SNX29: variants seen among roughly 807,000 people sequenced by gnomAD.
SNX29 encodes the protein sorting nexin 29.
Under a neutral mutation model 102.1 loss-of-function variants are expected in SNX29, and 78 were observed. The ratio of observed to expected loss-of-function variants is 0.76; its 90% CI spans 0.64 to 0.92. SNX29 has a LOEUF of 0.92. Among genes scored for constraint, SNX29 ranks in the 40% least tolerant of loss-of-function variants. SNX29 has a pLI of 0.00. For synonymous variants in SNX29, 580 were observed against 414.5 expected (o/e 1.40, Z -4.85); for missense variants, 1,280 against 1,061.7 (o/e 1.21, Z -2.86).
intron 20 of SNX29, among the ~76,000 whole-genome samples, chr16:12,554,702 C>T (rs1050814857): frequency 1.3e-5 from 2 of 152,168 alleles, no homozygotes; most frequent in South Asian, 2.1e-4. Flanking sequence ...CCTGCCCATG[C>T]CTGGTGACAG....
intron 15 of SNX29, among the ~76,000 whole-genome samples, chr16:12,327,250 C>G (rs1199613123): frequency 6.6e-6 from 1 of 152,052 alleles, no homozygotes; most frequent in Non-Finnish European, 1.5e-5. Context: ...GTGATGGGGT[C>G]TTTTTAAGCT....
chr16:12,427,105 C>T (rs1481299176), intron 18 of SNX29, among the ~76,000 whole-genome samples: 6 of 151,924 alleles, frequency 3.9e-5, no homozygotes, highest in Non-Finnish European at 7.4e-5. Flanking sequence ...TATATATTAG[C>T]ATAGGAAAAG....
At chr16:12,026,777 G>A (rs1343836248) in intron 3 of SNX29, among the ~76,000 whole-genome samples, 2 of 152,128 alleles carry the variant, frequency 1.3e-5, no homozygotes, top group African/African-American at 2.4e-5. Context: ...TTTAGAGCAT[G>A]TAATCTCTTA....
intron 20 of SNX29, among the ~76,000 whole-genome samples, chr16:12,557,126 C>T (rs9933943): frequency 1.3e-5 from 2 of 151,730 alleles, no homozygotes; most frequent in African/African-American, 4.8e-5. Flanking sequence ...TGAGATTAGA[C>T]ACAGGAGTCA....
intron 2 of SNX29, 82 bp downstream of exon 2, chr16:11,999,440 T>C: frequency 7.4e-7 from 1 of 1,354,834 alleles, no homozygotes. Flanking sequence ...CCCTATAACA[T>C]ACACAGACTA....
chr16:12,393,430 A>T (rs1444521514), intron 16 of SNX29, among the ~76,000 whole-genome samples: 2 of 146,220 alleles, frequency 1.4e-5, no homozygotes, highest in African/African-American at 4.9e-5. Context: ...TCATTCATTC[A>T]TTCAGTGTGT....
intron 18 of SNX29, among the ~76,000 whole-genome samples, chr16:12,435,625 T>A (rs1287665241): frequency 6.6e-6 from 1 of 152,220 alleles, no homozygotes; most frequent in Admixed American, 6.5e-5. Flanking sequence ...AGTTTAGATA[T>A]GTATTTCCTC....
chr16:12,543,678 C>G (rs1172432552), intron 20 of SNX29, among the ~76,000 whole-genome samples: 6 of 152,354 alleles, frequency 3.9e-5, no homozygotes, highest in Non-Finnish European at 4.4e-5. Flanking sequence ...CTGCATTCAA[C>G]AAGCCAGTCG....
At chr16:12,430,554 T>A (rs1484379490) in intron 18 of SNX29, among the ~76,000 whole-genome samples, 1 of 152,224 alleles carries the variant, frequency 6.6e-6, no homozygotes, top group East Asian at 1.9e-4. Flanking sequence ...TATTCATTTG[T>A]AAAATGAGCA....
At chr16:12,296,710 C>A (rs1407641672) in intron 15 of SNX29, among the ~76,000 whole-genome samples, 7 of 152,192 alleles carry the variant, frequency 4.6e-5, no homozygotes, top group Non-Finnish European at 1.0e-4. Context: ...GATGGTTATA[C>A]CATTAGTATC....
rs559212529 is a variant in SNX29, at chr16:12,038,002, C to A, written c.248-4895C>A. On this transcript the variant is annotated intron_variant, in intron 4 of 20. Coordinates refer to ENST00000566228, the MANE Select transcript of SNX29 (RefSeq NM_032167.5). ...ACAAAACAAAACAAAACAAAAAAAA[C>A]CCCAAACAAGGAAAAGGAATGCTGT... Among the ~76,000 whole-genome samples the A allele has an allele frequency of 9.3e-5, 14 of 151,166 alleles. No individual in the cohort carries two copies. The South Asian group carries it at 1.1e-3, about 11-fold the overall frequency.
intron 18 of SNX29, among the ~76,000 whole-genome samples, chr16:12,449,372 G>T (rs1567574693): frequency 6.6e-6 from 1 of 151,974 alleles, no homozygotes; most frequent in South Asian, 2.1e-4. Context: ...AATAGGCACG[G>T]CAAGGACAGG....
At chr16:12,078,694 CCTGA>C (rs1235405671) in intron 10 of SNX29, 135 bp from the exon 11 acceptor site, 5 of 729,032 alleles carry the variant, frequency 6.9e-6, no homozygotes, top group African/African-American at 1.7e-5. Context: ...GATAACGAGG[CCTGA>C]CTAATTTCCA....
intron 14 of SNX29, among the ~76,000 whole-genome samples, chr16:12,267,659 G>A (rs1401710854): frequency 6.6e-6 from 1 of 152,194 alleles, no homozygotes; most frequent in African/African-American, 2.4e-5. Context: ...AAAGAGCAGC[G>A]CCTCTGGAAG....
intron 20 of SNX29, among the ~76,000 whole-genome samples, chr16:12,554,240 G>A (rs7189915): frequency 0.05 from 7,630 of 152,212 alleles, 687 homozygotes; most frequent in African/African-American, 0.17. Flanking sequence ...CATCTCCCTC[G>A]GCTGCATCGT....
At chr16:12,269,326 C>T (rs936734071) in intron 14 of SNX29, among the ~76,000 whole-genome samples, 1 of 152,160 alleles carries the variant, frequency 6.6e-6, no homozygotes, top group Non-Finnish European at 1.5e-5. Flanking sequence ...AATAGCATCA[C>T]CATCTTCACA....
chr16:12,496,382 C>G (rs1025138148), intron 19 of SNX29, among the ~76,000 whole-genome samples: 8 of 152,072 alleles, frequency 5.3e-5, no homozygotes, highest in Non-Finnish European at 1.2e-4. Context: ...TGGTCTTCCT[C>G]TTTATCTCAC....
chr16:12,397,682 TG>T (rs1291182423), intron 16 of SNX29, among the ~76,000 whole-genome samples: 3 of 152,244 alleles, frequency 2.0e-5, no homozygotes, highest in Admixed American at 1.3e-4. Flanking sequence ...CAACATTTAT[TG>T]AACATCTACC....
chr16:12,536,511 A>T (rs894919692), intron 20 of SNX29, among the ~76,000 whole-genome samples: 1 of 152,178 alleles, frequency 6.6e-6, no homozygotes, highest in Non-Finnish European at 1.5e-5. Context: ...TAGGGACTTC[A>T]TGCCTCTATT....
Sources: gnomAD v4.1 joint callset for allele counts (sites outside exome capture counted in the v4.1 genomes callset) on GRCh38, gnomAD v4.1.1 for gene constraint, MANE v1.5 for transcripts, NCBI Gene and HGNC (gene_info 2026-07-23, HGNC 2026-07-21) for gene names.